Variants in UGT2A1 observed in about 807,000 individuals in gnomAD.
UGT2A1 encodes the protein UDP-glucuronosyltransferase 2A1.
Under a neutral mutation model 45.4 loss-of-function variants are expected in UGT2A1, and 61 were observed. The observed-to-expected ratio is 1.34, with a 90% CI of 1.09 to 1.66. The LOEUF (loss-of-function observed/expected upper bound fraction) is 1.66. Among genes scored for constraint, UGT2A1 ranks in the 40% most tolerant of loss-of-function variants. UGT2A1 has a pLI of 0.00. For missense variants in UGT2A1, 649 were observed against 574.3 expected (o/e 1.13, Z -1.33); for synonymous variants, 229 against 196.2 (o/e 1.17, Z -1.40).
chr4:69,610,731 A>C (rs1459950538), intron 3 of UGT2A1, among the ~76,000 whole-genome samples: 7 of 152,182 alleles, frequency 4.6e-5, no homozygotes, highest in Admixed American at 3.9e-4. Flanking sequence ...AAAAAGCTAT[A>C]TGAGAATATA....
chr4:69,602,743 C>T (rs1192107967), intron 3 of UGT2A1, among the ~76,000 whole-genome samples: 1 of 136,824 alleles, frequency 7.3e-6, no homozygotes, highest in Non-Finnish European at 1.6e-5. Context: ...TTAAAACCCA[C>T]AATAGAAAAG....
intron 3 of UGT2A1, among the ~76,000 whole-genome samples, chr4:69,612,318 C>A (rs1720112384): frequency 6.6e-6 from 1 of 151,924 alleles, no homozygotes; most frequent in South Asian, 2.1e-4. Flanking sequence ...GTTAAAATGG[C>A]CAAATTGCCC....
intron 6 of UGT2A1, among the ~76,000 whole-genome samples, chr4:69,594,184 C>A (rs1015139708): frequency 4.0e-5 from 6 of 151,884 alleles, no homozygotes; most frequent in Non-Finnish European, 7.4e-5. Context: ...CCGTGTTAGC[C>A]AGGATGGTCT....
At chr4:69,599,563 T>C (rs1360468062) in intron 3 of UGT2A1, 169 bp from the exon 4 acceptor site, 6 of 965,218 alleles carry the variant, frequency 6.2e-6, no homozygotes, top group African/African-American at 1.8e-5. Flanking sequence ...TTAAAGAGGA[T>C]GGAAGAAAGG....
rs1347046 is a variant in UGT2A1, at chr4:69,647,421, T to C, written c.224A>G (p.Lys75Arg). 2 of 1,612,882 alleles carry C rather than the reference T, an allele frequency of 1.2e-6. No individual in the cohort carries two copies. Among genetic ancestry groups the C allele is most frequent in the East Asian group, 2.2e-5 (1 of 44,856 alleles). ...SNPSLTFEIY[K>R]VPFGKERIEG... Reference sequence around the variant, plus strand: ...TATTCTTTCTTTGCCAAAGGGCACCTTATATATTTCAAATGTCAGAGATGG... The same window carrying C: ...TATTCTTTCTTTGCCAAAGGGCACCCTATATATTTCAAATGTCAGAGATGG... The change falls in exon 2 of 7, where the codon AAG (lysine) becomes AGG (arginine). Residue 75 changes from lysine (K) to arginine (R), a missense_variant. Physicochemically the swap from Lys to Arg is conservative, Grantham distance 26. Transcript: ENST00000286604.
At chr4:69,607,186 A>ACGGGT (rs1296142502) in intron 3 of UGT2A1, among the ~76,000 whole-genome samples, 2 of 135,400 alleles carry the variant, frequency 1.5e-5, no homozygotes, top group African/African-American at 2.9e-5. Flanking sequence ...AGGCTACAGT[A>ACGGGT]ACCAAAACAG....
intron 1 of UGT2A1, among the ~76,000 whole-genome samples, chr4:69,651,783 C>G (rs1364875215): frequency 6.6e-6 from 1 of 152,124 alleles, no homozygotes; most frequent in Non-Finnish European, 1.5e-5. Flanking sequence ...TGTGACCATC[C>G]AAGGACACTT....
Position 69,623,272 on chromosome 4 carries a change from C to G in UGT2A1, c.847+12419G>C, listed in dbSNP as rs543432914. Among the ~76,000 whole-genome samples, 5 of 151,904 alleles carry G rather than the reference C, an allele frequency of 3.3e-5. No homozygotes were observed. The East Asian group carries it at 9.7e-4, about 29-fold the overall frequency. ...ACCCCATTTCTACCAGTAATGTAGT[C>G]TCTACAGCTATCTAGCCTAGGATTA... On this transcript the variant is annotated intron_variant, in intron 3 of 6. Coordinates refer to ENST00000286604, the MANE Select transcript of UGT2A1 (RefSeq NM_001252275.3).
At chr4:69,644,087 A>G (rs1395383809) in intron 2 of UGT2A1, among the ~76,000 whole-genome samples, 1 of 151,696 alleles carries the variant, frequency 6.6e-6, no homozygotes, top group Non-Finnish European at 1.5e-5. Flanking sequence ...GGGTAATTTG[A>G]TCAGAAACAT....
chr4:69,595,182 A>G lies in UGT2A1; in HGVS notation c.1064T>C (p.Ile355Thr), dbSNP rs1718846955. The G allele has an allele frequency of 6.2e-7, 1 of 1,613,738 alleles. No homozygotes were observed. Among genetic ancestry groups the G allele is most frequent in the Admixed American group, 1.7e-5 (1 of 59,998 alleles). Reference protein sequence around the residue: ...LGNNTQLFDWIPQNDLLGHPK... With the variant: ...LGNNTQLFDWTPQNDLLGHPK... ...CTTACCAAGAAGATCATTCTGGGGTATCCAATCAAAGAGCTGAGTATTGTT... is the reference window on the plus strand; with the variant it reads ...CTTACCAAGAAGATCATTCTGGGGTGTCCAATCAAAGAGCTGAGTATTGTT... The change falls in exon 5 of 7, where the codon ATA (isoleucine) becomes ACA (threonine). Residue 355 changes from isoleucine to threonine, a missense_variant. Coordinates refer to ENST00000286604, the MANE Select transcript of UGT2A1 (RefSeq NM_001252275.3).
At position 69,589,088 on chromosome 4, in the gene UGT2A1, T is replaced by C. The variant is rs1718427441; in HGVS notation, c.*284A>G. 4.0e-6 allele frequency: 1 copy of C among 251,992 alleles called. No individual in the cohort carries two copies. Among genetic ancestry groups the C allele is most frequent in the Admixed American group, 4.9e-5 (1 of 20,456 alleles). 15.6% of individuals were successfully genotyped at this position (251,992 alleles called of 1,614,324 possible). Reference sequence around the variant, plus strand: ...AATTTGATACTATGAATAGAACATATTTAAAATTAGGTAGTATCCTTGTGT... The same window carrying C: ...AATTTGATACTATGAATAGAACATACTTAAAATTAGGTAGTATCCTTGTGT... On this transcript the variant is annotated 3_prime_UTR_variant, in exon 7 of 7. Transcript: ENST00000286604.
Position 69,595,152 on chromosome 4 carries a change from A to ACAGTCTTACCAAGTCTTAC in UGT2A1, c.1084+9_1084+10insGTAAGACTTGGTAAGACTG. ...CCCACTGTACAGCTTTTCTTTCCCCACAGTCTTACCAAGAAGATCATTCTG... is the reference window on the plus strand; with the variant it reads ...CCCACTGTACAGCTTTTCTTTCCCCACAGTCTTACCAAGTCTTACCAGTCTTACCAAGAAGATCATTCTG... On this transcript the variant is annotated intron_variant, in intron 5 of 6. Coordinates refer to ENST00000286604, the MANE Select transcript of UGT2A1 (RefSeq NM_001252275.3). 1.2e-6 allele frequency: 2 copies of ACAGTCTTACCAAGTCTTAC among 1,613,774 alleles called. No individual in the cohort carries two copies. The highest frequency in any genetic ancestry group is 1.7e-6 in the Non-Finnish European group (2 of 1,179,830).
intron 3 of UGT2A1, among the ~76,000 whole-genome samples, chr4:69,607,727 C>A (rs542061515): frequency 1.3e-5 from 2 of 152,000 alleles, no homozygotes; most frequent in African/African-American, 2.4e-5. Context: ...TTACAAGAAA[C>A]AAACAAACAA....
At chr4:69,619,245 TA>T (rs1278214635) in intron 3 of UGT2A1, among the ~76,000 whole-genome samples, 2 of 151,212 alleles carry the variant, frequency 1.3e-5, no homozygotes, top group Non-Finnish European at 3.0e-5. Flanking sequence ...AAAATAAAAA[TA>T]AAAAATTAGC....
chr4:69,604,835 T>C lies in UGT2A1; in HGVS notation c.848-5441A>G, dbSNP rs866782878. Among the ~76,000 whole-genome samples the C allele has an allele frequency of 1.5e-5, 2 of 136,840 alleles. 1 individual carries two copies. The highest frequency in any genetic ancestry group is 5.9e-5 in the African/African-American group (2 of 33,804). 89.8% of individuals were successfully genotyped at this position (136,840 alleles called of 152,430 possible). A position where few individuals can be genotyped will look rare whatever the true frequency, so the allele number is the denominator to read the frequency against. On this transcript the variant is annotated intron_variant, in intron 3 of 6. Coordinates refer to ENST00000286604, the MANE Select transcript of UGT2A1 (RefSeq NM_001252275.3). ...AAAAGAGACAAAGAAGGCCATTACA[T>C]AATGGTAAAAGGATCAATTCAACAA...
At chr4:69,628,645 A>C (rs933528586) in intron 3 of UGT2A1, among the ~76,000 whole-genome samples, 1 of 151,000 alleles carries the variant, frequency 6.6e-6, no homozygotes, top group Non-Finnish European at 1.5e-5. Context: ...TTTTGAATTA[A>C]TACAATGGTT....
chr4:69,596,054 G>T (rs1718902077), intron 4 of UGT2A1, among the ~76,000 whole-genome samples: 2 of 152,098 alleles, frequency 1.3e-5, no homozygotes, highest in Non-Finnish European at 2.9e-5. Flanking sequence ...CTAAAATAAT[G>T]CCAAGGCTCA....
intron 2 of UGT2A1, chr4:69,639,773 A>T: frequency 2.3e-6 from 2 of 865,394 alleles, no homozygotes; most frequent in Non-Finnish European, 3.3e-6. Flanking sequence ...AAAGGTAAAT[A>T]ATATAATTCA....
rs368291839 is a variant in UGT2A1, at chr4:69,647,249, G to A, written c.396C>T (p.Asn132=). Residue 132 remains asparagine (N), a synonymous_variant, in exon 2 of 7, where the codon AAC becomes AAT. Coordinates refer to ENST00000286604, the MANE Select transcript of UGT2A1 (RefSeq NM_001252275.3). ...TCTTTAGCTTTGCCATCAGCTGTTG[G>A]TTTTTAAGAACGCCATCACAGATCT... ...SQEICDGVLK[N]QQLMAKLKKS... The A allele has an allele frequency of 6.2e-7, 1 of 1,613,340 alleles. No homozygotes were observed. The highest frequency in any genetic ancestry group is 8.5e-7 in the Non-Finnish European group (1 of 1,179,494).
Sources: gnomAD v4.1 joint callset for allele counts (sites outside exome capture counted in the v4.1 genomes callset) on GRCh38, gnomAD v4.1.1 for gene constraint, MANE v1.5 for transcripts, NCBI Gene and HGNC (gene_info 2026-07-23, HGNC 2026-07-21) for gene names.